The following SDCCAG8 variants were observed in gnomAD, a reference collection of about 807,000 sequenced individuals.
The protein encoded by SDCCAG8 is serologically defined colon cancer antigen 8.
SDCCAG8 carries 74 observed loss-of-function variants against 101.8 expected under a neutral mutation model. That is an observed-to-expected ratio of 0.73 (90% CI 0.60 to 0.88). The LOEUF is 0.88. Among genes scored for constraint, SDCCAG8 ranks in the 40% least tolerant of loss-of-function variants. The pLI is 0.00. For missense variants in SDCCAG8, 787 were observed against 822.6 expected, an observed-to-expected ratio of 0.96 and a Z score of 0.53; for synonymous variants, 281 against 292.9, an observed-to-expected ratio of 0.96 and a Z score of 0.41.
In SDCCAG8 at chr1:243,416,747, A is replaced by G. The variant is rs2080612193; in HGVS notation, c.1744+918A>G. ...GTTCACAGACAGTGTTAGTCAAAAC[A>G]AGACAGTGTCAGTCATTATAATTCC... On this transcript the variant is annotated intron_variant, in intron 14 of 17. Coordinates refer to ENST00000366541, the MANE Select transcript of SDCCAG8 (RefSeq NM_006642.5). The surrounding 1 kb of genome is among the most constrained non-coding windows in gnomAD (Gnocchi z 4.3). 1.3e-5 allele frequency among the ~76,000 whole-genome samples: 2 copies of G among 152,228 alleles called. No homozygotes were observed. The highest frequency in any genetic ancestry group is 4.1e-4 in the South Asian group (2 of 4,832).
intron 16 of SDCCAG8, among the ~76,000 whole-genome samples, chr1:243,441,439 G>A (rs948733233): frequency 2.0e-5 from 3 of 151,766 alleles, no homozygotes; most frequent in Non-Finnish European, 4.4e-5. Context: ...CTCTTTTCAC[G>A]GTCCTGTTGC....
rs1410755256 is a variant in SDCCAG8, at chr1:243,422,506, T to C, written c.1854-3921T>C. Among the ~76,000 whole-genome samples, 4 of 152,194 alleles carry C rather than the reference T, an allele frequency of 2.6e-5. No homozygotes were observed. In the East Asian group the frequency reaches 7.7e-4, roughly 29 times the overall value. ...AAATATTGTTAAATGACTTTTAGTG[T>C]AGTTTTACTGTGTGGACTATAATGT... On this transcript the variant is annotated intron_variant, in intron 15 of 17. Transcript: ENST00000366541.
At chr1:243,490,441 T>C (rs925225751) in intron 17 of SDCCAG8, among the ~76,000 whole-genome samples, 14 of 152,198 alleles carry the variant, frequency 9.2e-5, no homozygotes, top group African/African-American at 3.1e-4. Context: ...GCCAAGCTGT[T>C]GGGATGATTC....
At chr1:243,363,338 A>G (rs747830209) in intron 12 of SDCCAG8, among the ~76,000 whole-genome samples, 11 of 152,266 alleles carry the variant, frequency 7.2e-5, no homozygotes, top group Non-Finnish European at 1.3e-4. Context: ...GCTTGCCTAG[A>G]TACCGATGAA....
At chr1:243,281,068 T>C (rs1170537204) in intron 4 of SDCCAG8, among the ~76,000 whole-genome samples, 2 of 152,204 alleles carry the variant, frequency 1.3e-5, no homozygotes, top group Non-Finnish European at 2.9e-5. Context: ...TAGGCACATA[T>C]ACATTAAGAC....
chr1:243,431,616 G>A (rs2081769947), intron 16 of SDCCAG8, among the ~76,000 whole-genome samples: 1 of 152,134 alleles, frequency 6.6e-6, no homozygotes, highest in Non-Finnish European at 1.5e-5. Flanking sequence ...GTCCACAAAG[G>A]CAGTCCAGGG....
chr1:243,320,601 C>T (rs763652321), intron 9 of SDCCAG8, among the ~76,000 whole-genome samples: 1 of 152,128 alleles, frequency 6.6e-6, no homozygotes, highest in African/African-American at 2.4e-5. Context: ...CAACTTCTGG[C>T]CCCACCATTC....
chr1:243,379,565 C>A (rs2077814435), intron 13 of SDCCAG8, among the ~76,000 whole-genome samples: 1 of 152,144 alleles, frequency 6.6e-6, no homozygotes, highest in South Asian at 2.1e-4. Flanking sequence ...CATACACACA[C>A]ACATAAATAC....
At chr1:243,461,369 A>G (rs1438081442) in intron 16 of SDCCAG8, among the ~76,000 whole-genome samples, 1 of 152,208 alleles carries the variant, frequency 6.6e-6, no homozygotes, top group African/African-American at 2.4e-5. Flanking sequence ...TGACTATTCC[A>G]GTCTGTGCTC....
At chr1:243,395,222 C>T (rs774909613) in intron 13 of SDCCAG8, among the ~76,000 whole-genome samples, 8 of 152,126 alleles carry the variant, frequency 5.3e-5, no homozygotes, top group Non-Finnish European at 1.0e-4. Context: ...AGTTCCTTCA[C>T]GGTGATTTAA....
At chr1:243,409,773 A>G (rs2080040665) in intron 13 of SDCCAG8, among the ~76,000 whole-genome samples, 1 of 152,196 alleles carries the variant, frequency 6.6e-6, no homozygotes, top group African/African-American at 2.4e-5. Context: ...CCATGACTCC[A>G]TGCTGATATT....
rs12080579 is a variant in SDCCAG8 at position 243,293,087 on chromosome 1, T to C, written c.547-4T>C. On this transcript the variant is annotated splice_polypyrimidine_tract_variant and splice_region_variant and intron_variant, in intron 5 of 17. Coordinates refer to ENST00000366541, the MANE Select transcript of SDCCAG8 (RefSeq NM_006642.5). ...GTTGCAGTTACTGGCACATTTTATT[T>C]TAGGGAAACATGCACAATTCTTGGA... The C allele has an allele frequency of 1.5e-5, 24 of 1,614,148 alleles. No homozygotes were observed. The highest frequency in any genetic ancestry group is 1.9e-5 in the Non-Finnish European group (23 of 1,179,992).
chr1:243,493,934 C>T (rs1312745199), intron 17 of SDCCAG8, among the ~76,000 whole-genome samples: 17 of 151,846 alleles, frequency 1.1e-4, no homozygotes, highest in Non-Finnish European at 1.0e-4. Context: ...GAGCAAGACT[C>T]CCTGCCGAGG....
chr1:243,318,669 G>A, intron 9 of SDCCAG8: 3 of 576,556 alleles, frequency 5.2e-6, no homozygotes, highest in Non-Finnish European at 6.6e-6. Context: ...CCAACATACT[G>A]TTTCCTCAGA....
chr1:243,359,168 C>T (rs961047117), intron 12 of SDCCAG8, among the ~76,000 whole-genome samples: 7 of 152,172 alleles, frequency 4.6e-5, no homozygotes, highest in Non-Finnish European at 8.8e-5. Flanking sequence ...AGTGTTAGCA[C>T]GTCAGTCCAA....
intron 5 of SDCCAG8, among the ~76,000 whole-genome samples, chr1:243,286,990 C>T (rs1198751979): frequency 6.6e-6 from 1 of 152,174 alleles, no homozygotes; most frequent in Non-Finnish European, 1.5e-5. Context: ...GACTCCATCC[C>T]CTGTGAGTCT....
At chr1:243,489,301 G>C (rs1414722379) in intron 17 of SDCCAG8, among the ~76,000 whole-genome samples, 161 bp downstream of exon 17, 1 of 152,262 alleles carries the variant, frequency 6.6e-6, no homozygotes, top group Non-Finnish European at 1.5e-5. Context: ...GCAGGACCCA[G>C]AGAAGCGGAG....
intron 16 of SDCCAG8, among the ~76,000 whole-genome samples, chr1:243,477,023 CACACACACACAG>C (rs1662567312): frequency 6.8e-6 from 1 of 146,556 alleles, no homozygotes; most frequent in Non-Finnish European, 1.5e-5. Context: ...CACACACACA[CACACACACACAG>C]AGAGAAAGGC....
chr1:243,393,594 G>T (rs976084757), intron 13 of SDCCAG8, among the ~76,000 whole-genome samples: 7 of 152,146 alleles, frequency 4.6e-5, no homozygotes, highest in Non-Finnish European at 8.8e-5. Context: ...GTCCATCTCT[G>T]AATTTGTCCT....
Sources: gnomAD v4.1 joint callset for allele counts (sites outside exome capture counted in the v4.1 genomes callset) on GRCh38, gnomAD v4.1.1 for gene constraint, Gnocchi (gnomAD v3.1) non-coding constraint, MANE v1.5 for transcripts, NCBI Gene and HGNC (gene_info 2026-07-23, HGNC 2026-07-21) for gene names.